Variants in UBE3B observed in about 807,000 individuals in gnomAD.
The protein encoded by UBE3B is ubiquitin protein ligase E3B, also known as ubiquitin-protein ligase E3B.
A neutral mutation model predicts 132.3 loss-of-function variants in UBE3B; 80 were observed. That is an observed-to-expected ratio of 0.60 (90% confidence interval 0.50 to 0.73). UBE3B has a LOEUF of 0.73. UBE3B is among the 30% of genes least tolerant of loss of function. UBE3B has a pLI of 0.00. For missense variants in UBE3B, 1,196 were observed against 1,362.5 expected, an observed-to-expected ratio of 0.88 and a Z score of 1.92; for synonymous variants, 487 against 520.4, an observed-to-expected ratio of 0.94 and a Z score of 0.87.
rs748711749 is a variant in UBE3B, at chr12:109,511,303, C to T, written c.1956C>T (p.Asn652=). Residue 652 remains asparagine (N), a splice_region_variant and synonymous_variant, in exon 18 of 28, where the codon AAC becomes AAT. Transcript: ENST00000342494. ...TCCCACATGTCATCCCTCACAAAAA[C>T]GTGAGTTGCACTCAGAGCTGGGCCC... The part of the protein sequence containing the change: ...QYIPHVIPHK[N]RVLLFRTMVT... 2.5e-6 allele frequency: 4 copies of T among 1,613,718 alleles called. No individual in the cohort carries two copies. Among genetic ancestry groups the T allele is most frequent in the Admixed American group, 3.3e-5 (2 of 59,996 alleles).
In UBE3B at chr12:109,486,477, T is replaced by C. The variant is rs758290112; in HGVS notation, c.349T>C (p.Tyr117His). ...MDAENEPKVW[Y>H]VSLACSKDLT... ...CTCTTTTTCCCACCTATAGGTGTGG[T>C]ATGTGTCCCTGGCTTGTTCTAAGGA... Residue 117 changes from tyrosine (Y) to histidine (H), a missense_variant, in exon 6 of 28, where the codon TAT becomes CAT. Tyr to His is a moderately conservative substitution (Grantham distance 83, BLOSUM62 2). Coordinates refer to ENST00000342494, the MANE Select transcript of UBE3B (RefSeq NM_130466.4). 1.9e-6 allele frequency: 3 copies of C among 1,599,374 alleles called. No homozygotes were observed. The South Asian group carries it at 3.4e-5, about 18-fold the overall frequency.
intron 4 of UBE3B, 67 bp from the exon 5 acceptor site, chr12:109,485,945 T>A (rs1876354223): frequency 6.5e-7 from 1 of 1,538,890 alleles, no homozygotes; most frequent in East Asian, 2.5e-5. Context: ...GCTGAAGGCT[T>A]GTTTTCTTTG....
chr12:109,547,209 C>T, the UBE3B span, among the ~76,000 whole-genome samples: 1 of 152,200 alleles, frequency 6.6e-6, no homozygotes, highest in Admixed American at 6.5e-5. The surrounding 1 kb of genome is among the most constrained non-coding windows in gnomAD (Gnocchi z 4.1). Flanking sequence ...CCCACACTGG[C>T]CCCAGGGCAG....
intron 18 of UBE3B, among the ~76,000 whole-genome samples, chr12:109,513,456 ATATTT>A (rs1880616262): frequency 6.6e-6 from 1 of 152,214 alleles, no homozygotes; most frequent in Non-Finnish European, 1.5e-5. Flanking sequence ...CAAAATAAAA[ATATTT>A]TATATTTCAA....
intron 15 of UBE3B, 78 bp downstream of exon 15, chr12:109,507,813 T>TCACATTAGCAATTAC: frequency 2.0e-6 from 3 of 1,485,710 alleles, no homozygotes; most frequent in Non-Finnish European, 2.7e-6. Context: ...AAGGAAGTAA[T>TCACATTAGCAATTAC]TGCTAATGTG....
downstream of UBE3B, among the ~76,000 whole-genome samples, chr12:109,541,145 AGTGGCCTTCAG>A (rs1883602911): frequency 6.6e-6 from 1 of 152,210 alleles, no homozygotes. Context: ...CCTGCGGCTG[AGTGGCCTTCAG>A]CTAGGGTCCC....
rs969281501 is a variant in UBE3B, at chr12:109,534,390, G to C, written c.3016-201G>C. The C allele has an allele frequency of 2.1e-6, 3 of 1,413,956 alleles. No individual in the cohort carries two copies. In the African/African-American group the frequency reaches 4.4e-5, roughly 21 times the overall value. 87.6% of individuals were successfully genotyped at this position (1,413,956 alleles called of 1,614,324 possible). On this transcript the variant is annotated intron_variant, in intron 27 of 27. Transcript: ENST00000342494. The surrounding 1 kb of genome is among the most constrained non-coding windows in gnomAD (Gnocchi z 5.2). Reference sequence around the variant, plus strand: ...CAGGAATTCTCTGTGCAGGCCCCAGGGAGAAGGGGTTCCTTCTCTGGAAGC... The same window carrying C: ...CAGGAATTCTCTGTGCAGGCCCCAGCGAGAAGGGGTTCCTTCTCTGGAAGC...
At chr12:109,486,340 T>A in intron 5 of UBE3B, 131 bp from the exon 6 acceptor site, 2 of 792,920 alleles carry the variant, frequency 2.5e-6, no homozygotes, top group Non-Finnish European at 4.0e-6. Flanking sequence ...TGTTTACAGC[T>A]TATTTGTCCA....
Position 109,503,091 on chromosome 12 carries a change from C to T in UBE3B, c.1351C>T (p.Arg451Trp), listed in dbSNP as rs746301277. Residue 451 changes from arginine to tryptophan, a missense_variant, in exon 14 of 28, where the codon CGG becomes TGG. Transcript: ENST00000342494. ...RNILRPVGGK[R>W]VDSAEVQKVC... ...TATTCTCAGGCCTGTCGGGGGTAAA[C>T]GGGTCGACTCTGCAGAAGTCCAGAA... 11 of 1,614,052 alleles carry T rather than the reference C, an allele frequency of 6.8e-6. No homozygotes were observed. The Admixed American group carries it at 1.0e-4, about 15-fold the overall frequency.
chr12:109,496,143 C>G (rs1345119281), intron 9 of UBE3B, among the ~76,000 whole-genome samples: 2 of 152,250 alleles, frequency 1.3e-5, no homozygotes, highest in Admixed American at 6.5e-5. Flanking sequence ...TTGTGGACAT[C>G]TCACATAAAT....
intron 13 of UBE3B, among the ~76,000 whole-genome samples, chr12:109,502,035 A>G (rs563733196): frequency 1.2e-4 from 18 of 152,322 alleles, no homozygotes; most frequent in African/African-American, 4.3e-4. Flanking sequence ...CAAAAAATCC[A>G]TAAGAATAGA....
At chr12:109,527,993 A>G (rs1448438969) in intron 24 of UBE3B, among the ~76,000 whole-genome samples, 1 of 152,160 alleles carries the variant, frequency 6.6e-6, no homozygotes, top group East Asian at 1.9e-4. Context: ...CTCTCCCCAC[A>G]TAGGCACTGG....
At chr12:109,523,299 G>A (rs992357353) in intron 21 of UBE3B, among the ~76,000 whole-genome samples, 6 of 152,188 alleles carry the variant, frequency 3.9e-5, no homozygotes, top group Admixed American at 3.9e-4. Flanking sequence ...TCTGCCTCCT[G>A]TCTTCCTCTC....
At chr12:109,495,565 G>C (rs1878079456) in intron 9 of UBE3B, among the ~76,000 whole-genome samples, 1 of 152,182 alleles carries the variant, frequency 6.6e-6, no homozygotes. Context: ...TAGAGGTGTG[G>C]AGTAGGAAAT....
At chr12:109,484,648 C>G in intron 4 of UBE3B, among the ~76,000 whole-genome samples, 1 of 152,150 alleles carries the variant, frequency 6.6e-6, no homozygotes, top group African/African-American at 2.4e-5. Context: ...CCTCAGCCTC[C>G]CAGAGTGCTG....
intron 19 of UBE3B, among the ~76,000 whole-genome samples, chr12:109,518,381 TC>T (rs1442609808): frequency 6.6e-6 from 1 of 152,186 alleles, no homozygotes; most frequent in Non-Finnish European, 1.5e-5. Flanking sequence ...ATTCAGATCT[TC>T]CATGTTGTGA....
Position 109,521,187 on chromosome 12 carries a change from A to G in UBE3B, c.2116A>G (p.Met706Val), listed in dbSNP as rs1881668615. ...GCTTAGGCAGCTCTCCCAGCACGCC[A>G]TGAAGGGGGTCATCCGTGTGAAGTT... The part of the protein sequence containing the change: ...EQLRQLSQHA[M>V]KGVIRVKFVN... Residue 706 changes from methionine (M) to valine (V), a missense_variant, in exon 20 of 28, where the codon ATG becomes GTG. Met to Val is a conservative substitution (Grantham distance 21). Transcript: ENST00000342494. The surrounding 1 kb of genome is among the most constrained non-coding windows in gnomAD (Gnocchi z 4.2). 6.2e-7 allele frequency: 1 copy of G among 1,614,076 alleles called. No homozygotes were observed.
intron 7 of UBE3B, among the ~76,000 whole-genome samples, chr12:109,489,459 T>C (rs1042736714): frequency 1.3e-5 from 2 of 152,054 alleles, no homozygotes; most frequent in Admixed American, 6.5e-5. Context: ...CAGGGAAAGC[T>C]GTATGCAAGG....
At chr12:109,541,528 C>T (rs1883611660), downstream of UBE3B, among the ~76,000 whole-genome samples, 1 of 152,254 alleles carries the variant, frequency 6.6e-6, no homozygotes, top group African/African-American at 2.4e-5. Context: ...ATCTCCCCTT[C>T]TTCCTTGGCC....
Sources: allele counts gnomAD v4.1 joint callset (sites outside exome capture counted in the v4.1 genomes callset), GRCh38; gene constraint gnomAD v4.1.1; non-coding constraint Gnocchi (gnomAD v3.1); transcripts MANE v1.5; gene names NCBI Gene and HGNC (gene_info 2026-07-23, HGNC 2026-07-21).